Variants in DSCAM observed in about 807,000 individuals in gnomAD.
The protein encoded by DSCAM is cell adhesion molecule DSCAM.
In DSCAM, 47 loss-of-function variants were observed where a neutral mutation model predicts 217.7. That is an observed-to-expected ratio of 0.22 (90% CI 0.17 to 0.28). DSCAM has a LOEUF of 0.28. Ranked by LOEUF, DSCAM falls within the 10% of genes least tolerant of loss-of-function variation. The pLI is 1.00. For missense variants in DSCAM, 2,080 were observed against 2,618.3 expected (o/e 0.79, Z 4.49); for synonymous variants, 1,056 against 1,015.3 (o/e 1.04, Z -0.76).
intron 3 of DSCAM, among the ~76,000 whole-genome samples, chr21:40,567,302 C>A (rs1436095336): frequency 6.6e-6 from 1 of 152,184 alleles, no homozygotes; most frequent in Non-Finnish European, 1.5e-5. Flanking sequence ...GGCCTTTGTG[C>A]AAGGTAGCTA....
At chr21:40,103,591 G>A (rs1478560086) in intron 20 of DSCAM, among the ~76,000 whole-genome samples, 1 of 152,012 alleles carries the variant, frequency 6.6e-6, no homozygotes, top group Non-Finnish European at 1.5e-5. Flanking sequence ...AAAGGCATAG[G>A]TTGAGAGGCC....
rs139341102 is a variant in DSCAM, at chr21:40,815,520, T to C, written c.43+31099A>G. Among the ~76,000 whole-genome samples, 66 of 152,318 alleles carry C rather than the reference T, an allele frequency of 4.3e-4. No individual in the cohort carries two copies. The East Asian group carries it at 9.3e-3, about 21-fold the overall frequency. On this transcript the variant is annotated intron_variant, in intron 1 of 32. Transcript: ENST00000400454. The stretch of plus-strand genomic sequence containing the variant: ...TCCACCACTAATCAAATCTCTTCCA[T>C]GTAATGAGCACCACTGTCTTCTAGG...
At chr21:40,258,588 T>G (rs2073405813) in intron 11 of DSCAM, among the ~76,000 whole-genome samples, 1 of 152,380 alleles carries the variant, frequency 6.6e-6, no homozygotes, top group Non-Finnish European at 1.5e-5. Context: ...GCTAACATTC[T>G]TAAATGTCTG....
chr21:40,375,912 T>A (rs997645661), intron 3 of DSCAM, among the ~76,000 whole-genome samples: 11 of 152,222 alleles, frequency 7.2e-5, no homozygotes, highest in African/African-American at 2.7e-4. Flanking sequence ...GATGAATATA[T>A]TCTTATATGA....
At chr21:40,146,895 A>G (rs2090363899) in intron 16 of DSCAM, among the ~76,000 whole-genome samples, 1 of 152,188 alleles carries the variant, frequency 6.6e-6, no homozygotes, top group Non-Finnish European at 1.5e-5. Context: ...CAATTACTCT[A>G]TGTGAAAATT....
At chr21:40,540,535 T>A (rs1331015276) in intron 3 of DSCAM, among the ~76,000 whole-genome samples, 1 of 152,208 alleles carries the variant, frequency 6.6e-6, no homozygotes, top group East Asian at 1.9e-4. Flanking sequence ...ATGGCCTTAA[T>A]TCTTCCACAT....
intron 20 of DSCAM, among the ~76,000 whole-genome samples, chr21:40,111,278 AG>A (rs2089896090): frequency 6.6e-6 from 1 of 152,178 alleles, no homozygotes; most frequent in Admixed American, 6.5e-5. Flanking sequence ...CTTAAAGAAA[AG>A]AATTTTCAAC....
chr21:40,066,696 A>T (rs2089212100), intron 27 of DSCAM, among the ~76,000 whole-genome samples: 1 of 152,064 alleles, frequency 6.6e-6, no homozygotes, highest in Non-Finnish European at 1.5e-5. Context: ...TAAAATGTGG[A>T]TTTGTCCCTC....
chr21:40,239,464 C>A (rs1168511889), intron 11 of DSCAM, among the ~76,000 whole-genome samples: 1 of 151,758 alleles, frequency 6.6e-6, no homozygotes, highest in African/African-American at 2.4e-5. Flanking sequence ...AAAAAAGCAA[C>A]GATGAAAGAA....
intron 3 of DSCAM, among the ~76,000 whole-genome samples, chr21:40,508,350 A>G (rs1035086085): frequency 1.3e-5 from 2 of 152,190 alleles, no homozygotes; most frequent in African/African-American, 4.8e-5. Flanking sequence ...GGGAATCAAT[A>G]TGCTATTTAT....
At chr21:40,053,213 A>G (rs965429484) in intron 29 of DSCAM, among the ~76,000 whole-genome samples, 1 of 152,248 alleles carries the variant, frequency 6.6e-6, no homozygotes, top group African/African-American at 2.4e-5. Flanking sequence ...AAGTTAGAAT[A>G]AAATTTCCTG....
chr21:40,679,029 C>T (rs1161303866), intron 3 of DSCAM, among the ~76,000 whole-genome samples: 1 of 152,162 alleles, frequency 6.6e-6, no homozygotes, highest in East Asian at 1.9e-4. Flanking sequence ...TTTGAAATGT[C>T]GATTTCCCTC....
chr21:40,352,114 C>T (rs939099533), intron 5 of DSCAM, among the ~76,000 whole-genome samples: 2 of 152,106 alleles, frequency 1.3e-5, no homozygotes, highest in African/African-American at 4.8e-5. Flanking sequence ...GTAAATAACT[C>T]CCACATGCTT....
intron 3 of DSCAM, among the ~76,000 whole-genome samples, chr21:40,652,256 A>G (rs1306787452): frequency 6.6e-6 from 1 of 151,816 alleles, no homozygotes; most frequent in Non-Finnish European, 1.5e-5. Context: ...CCACCGTGGT[A>G]CCTGTTTACC....
chr21:40,720,015 G>C (rs766968839), intron 1 of DSCAM, among the ~76,000 whole-genome samples: 6 of 152,192 alleles, frequency 3.9e-5, no homozygotes, highest in Non-Finnish European at 8.8e-5. Context: ...CCTAGAGAGT[G>C]ATGTCTTAGA....
At chr21:40,379,768 C>T (rs960198569) in intron 3 of DSCAM, among the ~76,000 whole-genome samples, 35 of 152,166 alleles carry the variant, frequency 2.3e-4, no homozygotes, top group African/African-American at 8.2e-4. Context: ...AGAAGATATA[C>T]ATACTTCGAG....
chr21:40,080,867 C>T (rs1388885120), intron 24 of DSCAM, among the ~76,000 whole-genome samples: 1 of 152,196 alleles, frequency 6.6e-6, no homozygotes, highest in African/African-American at 2.4e-5. Context: ...TGACAGTAAC[C>T]TGGCTTCTCT....
chr21:40,043,398 A>T (rs1047086039), intron 31 of DSCAM, among the ~76,000 whole-genome samples: 2 of 152,218 alleles, frequency 1.3e-5, no homozygotes, highest in African/African-American at 4.8e-5. Context: ...CATGGCGATG[A>T]TCCTCCTCTG....
intron 8 of DSCAM, among the ~76,000 whole-genome samples, chr21:40,317,019 C>G (rs1484997946): frequency 1.3e-5 from 2 of 152,168 alleles, no homozygotes; most frequent in East Asian, 1.9e-4. Context: ...CTCTGCGATT[C>G]TATCTCTTCA....
Sources: allele counts gnomAD v4.1 joint callset (sites outside exome capture counted in the v4.1 genomes callset), GRCh38; gene constraint gnomAD v4.1.1; transcripts MANE v1.5; gene names NCBI Gene and HGNC (gene_info 2026-07-23, HGNC 2026-07-21).